Variants in SOCS7 observed in about 807,000 individuals in gnomAD.
SOCS7 encodes the protein NAP-4.
Under a neutral mutation model 58.9 loss-of-function variants are expected in SOCS7, and 18 were observed. The observed-to-expected ratio is 0.31, with a 90% CI of 0.21 to 0.45. SOCS7 has a LOEUF of 0.45. Among genes scored for constraint, SOCS7 ranks in the 20% least tolerant of loss-of-function variants. The pLI is 1.00. For synonymous variants in SOCS7, 388 were observed against 364.3 expected (o/e 1.06, Z -0.74); for missense variants, 667 against 837.3 (o/e 0.80, Z 2.51).
rs755279853 is a variant in SOCS7, at chr17:38,395,407, G to A, written c.1780G>A (p.Val594Ile). 77 of 1,614,062 alleles carry A rather than the reference G, an allele frequency of 4.8e-5. No homozygotes were observed. The highest frequency in any genetic ancestry group is 6.3e-5 in the Non-Finnish European group (74 of 1,180,038). Residue 594 changes from valine to isoleucine, a missense_variant, in exon 8 of 10, where the codon GTC becomes ATC. Val to Ile is a conservative substitution (Grantham distance 29). Around this residue, in one of 9 missense-constraint regions of SOCS7, gnomAD observed 76 missense variants for 194.5 expected, o/e 0.39. Transcript: ENST00000612932. The stretch of plus-strand genomic sequence containing the variant: ...TTGCAGATTCCGGATACGACAGCTC[G>A]TCAGGATAGATCACATCCCAGATCT... ...HLCRFRIRQL[V>I]RIDHIPDLPL...
In SOCS7 at chr17:38,361,694, G is replaced by C; in HGVS notation, c.981-17G>C. On this transcript the variant is annotated splice_polypyrimidine_tract_variant and intron_variant, in intron 1 of 9. Transcript: ENST00000612932. ...CATTTCTCCCCTCTATTCTCTCTCT[G>C]CTTTCTCACTCCCTAGGAAACCCAA... 6.2e-7 allele frequency: 1 copy of C among 1,605,480 alleles called. No homozygotes were observed. The highest frequency in any genetic ancestry group is 8.5e-7 in the Non-Finnish European group (1 of 1,172,520).
In SOCS7 at chr17:38,361,161, T is replaced by G. The variant is rs2037714387; in HGVS notation, c.981-550T>G. Among the ~76,000 whole-genome samples the G allele has an allele frequency of 2.0e-5, 3 of 152,266 alleles. No homozygotes were observed. In the South Asian group the frequency reaches 6.2e-4, roughly 31 times the overall value. On this transcript the variant is annotated intron_variant, in intron 1 of 9. Coordinates refer to ENST00000612932, the MANE Select transcript of SOCS7 (RefSeq NM_014598.4). ...AATCTGAGGAGGCCCACTTAGTAGC[T>G]GATGGCTTTGACCCATGCCTTGGGG... is the stretch of plus-strand genomic sequence containing the variant.
chr17:38,387,131 A>ATATG (rs1163854242), intron 7 of SOCS7, among the ~76,000 whole-genome samples: 6 of 87,904 alleles, frequency 6.8e-5, no homozygotes, highest in African/African-American at 3.2e-4. Context: ...ATATATATGT[A>ATATG]TGTATATATA....
chr17:38,391,136 G>A (rs1337577873), intron 7 of SOCS7, among the ~76,000 whole-genome samples: 1 of 151,938 alleles, frequency 6.6e-6, no homozygotes, highest in South Asian at 2.1e-4. Flanking sequence ...AAATTTAATT[G>A]CTTTTTGCAC....
chr17:38,352,339 G>T lies in SOCS7; in HGVS notation c.287G>T (p.Arg96Leu). The part of the protein sequence containing the change: ...GPSELLCPRH[R>L]CALDPKALPP... Reference sequence around the variant, plus strand: ...TCGGAACTGCTGTGTCCCCGGCACCGCTGTGCCCTGGACCCCAAGGCCCTG... The same window carrying T: ...TCGGAACTGCTGTGTCCCCGGCACCTCTGTGCCCTGGACCCCAAGGCCCTG... The change falls in exon 1 of 10, where the codon CGC (arginine) becomes CTC (leucine). Residue 96 changes from arginine (R) to leucine (L), a missense_variant. Arg to Leu is a moderately radical substitution (Grantham distance 102). Around this residue, in one of 9 missense-constraint regions of SOCS7, gnomAD observed 154 missense variants for 156.3 expected, o/e 0.98. Transcript: ENST00000612932. The surrounding 1 kb of genome is among the most constrained non-coding windows in gnomAD (Gnocchi z 5.5). 3 of 1,480,998 alleles carry T rather than the reference G, an allele frequency of 2.0e-6. No homozygotes were observed. The highest frequency in any genetic ancestry group is 2.7e-6 in the Non-Finnish European group (3 of 1,126,972). The allele number at this position is 1,480,998 out of a possible 1,614,324, so 91.7% of individuals were successfully genotyped here.
intron 7 of SOCS7, among the ~76,000 whole-genome samples, chr17:38,389,133 T>G (rs903812731): frequency 1.3e-5 from 2 of 152,240 alleles, no homozygotes. Context: ...AAGTGGTAGC[T>G]CATTGTGGTT....
rs1213040557 is a variant in SOCS7 at position 38,401,230 on chromosome 17, A to T, written c.*1748A>T. On this transcript the variant is annotated 3_prime_UTR_variant, in exon 10 of 10. Coordinates refer to ENST00000612932, the MANE Select transcript of SOCS7 (RefSeq NM_014598.4). ...GAGCTGTGCACCATAAACACAGCCC[A>T]CCTCTGATTTGTCATGTGGTACCTC... 1 of 152,152 alleles carries T rather than the reference A, an allele frequency of 6.6e-6. No homozygotes were observed. The highest frequency in any genetic ancestry group is 1.9e-4 in the East Asian group (1 of 5,178). The allele number at this position is 152,152 out of a possible 1,614,324, so 9.4% of individuals were successfully genotyped here.
At chr17:38,376,810 T>C (rs895785278) in intron 6 of SOCS7, among the ~76,000 whole-genome samples, 9 of 152,172 alleles carry the variant, frequency 5.9e-5, no homozygotes, top group Non-Finnish European at 1.2e-4. Context: ...TACACAGTCA[T>C]ACACTGTTTA....
chr17:38,362,385 G>C (rs996388292), intron 2 of SOCS7, among the ~76,000 whole-genome samples: 1 of 152,180 alleles, frequency 6.6e-6, no homozygotes, highest in Admixed American at 6.5e-5. Context: ...TTCTCGTTTC[G>C]TAGGGAGCTT....
intron 6 of SOCS7, among the ~76,000 whole-genome samples, chr17:38,377,020 T>A (rs1302616821): frequency 6.6e-6 from 1 of 152,194 alleles, no homozygotes; most frequent in Non-Finnish European, 1.5e-5. Flanking sequence ...CTGTACCACA[T>A]AGCCTAGGTA....
Position 38,364,936 on chromosome 17 carries a change from C to T in SOCS7, c.1150+80C>T. 4.6e-6 allele frequency: 5 copies of T among 1,078,836 alleles called. No homozygotes were observed. In the South Asian group the frequency reaches 5.4e-5, roughly 12 times the overall value. The allele number at this position is 1,078,836 out of a possible 1,614,324, so 66.8% of individuals were successfully genotyped here. On this transcript the variant is annotated intron_variant, in intron 3 of 9. Transcript: ENST00000612932. Reference sequence around the variant, plus strand: ...GACTTGTTCTTTGCTGGGGGCCGACCACGCTTCTGGGTTTCCGATGATGAC... The same window carrying T: ...GACTTGTTCTTTGCTGGGGGCCGACTACGCTTCTGGGTTTCCGATGATGAC...
chr17:38,367,092 T>C (rs1555568482), intron 5 of SOCS7, among the ~76,000 whole-genome samples: 1 of 152,144 alleles, frequency 6.6e-6, no homozygotes, highest in Non-Finnish European at 1.5e-5. Flanking sequence ...GAGACTGAGT[T>C]TCGCTCTTGT....
intron 1 of SOCS7, among the ~76,000 whole-genome samples, chr17:38,356,235 A>G (rs1040019820): frequency 1.3e-5 from 2 of 149,384 alleles, no homozygotes; most frequent in Non-Finnish European, 3.0e-5. Flanking sequence ...TGGGCCCACC[A>G]GTTGGGTGTG....
At chr17:38,381,139 C>A (rs1221043579) in intron 7 of SOCS7, among the ~76,000 whole-genome samples, 2 of 152,050 alleles carry the variant, frequency 1.3e-5, no homozygotes, top group African/African-American at 4.8e-5. Flanking sequence ...TTACTGGGGG[C>A]AGGAGGGTGC....
chr17:38,365,311 A>G lies in SOCS7; in HGVS notation c.1154A>G (p.Asp385Gly). Residue 385 changes from aspartate to glycine, a missense_variant, in exon 4 of 10, where the codon GAT becomes GGT. This residue lies in a region of SOCS7 where 99 missense variants were observed against 122.9 expected (regional missense o/e 0.81). Coordinates refer to ENST00000612932, the MANE Select transcript of SOCS7 (RefSeq NM_014598.4). ...TTGCTTTTGTTCTCTCTTCTAGATGATATCAGTGGGACGCTGCCTACATCT... is the reference window on the plus strand; with the variant it reads ...TTGCTTTTGTTCTCTCTTCTAGATGGTATCAGTGGGACGCTGCCTACATCT... ...PPRRSLSLLD[D>G]ISGTLPTSVL... 2 of 1,609,228 alleles carry G rather than the reference A, an allele frequency of 1.2e-6. No homozygotes were observed. Among genetic ancestry groups the G allele is most frequent in the Non-Finnish European group, 1.7e-6 (2 of 1,177,170 alleles).
At position 38,364,738 on chromosome 17, in the gene SOCS7, C is replaced by T. The variant is rs2037765405; in HGVS notation, c.1046-14C>T. The T allele has an allele frequency of 6.2e-7, 1 of 1,611,178 alleles. No individual in the cohort carries two copies. The highest frequency in any genetic ancestry group is 1.3e-5 in the African/African-American group (1 of 74,822). On this transcript the variant is annotated splice_polypyrimidine_tract_variant and intron_variant, in intron 2 of 9. Transcript: ENST00000612932. ...AGGCGCTTCTGTAACTTGCTTGCTCCATGAATCCCTCAGGTGAAACTGTGT... is the reference window on the plus strand; with the variant it reads ...AGGCGCTTCTGTAACTTGCTTGCTCTATGAATCCCTCAGGTGAAACTGTGT...
At chr17:38,399,256 T>C (rs1204125128) in intron 9 of SOCS7, among the ~76,000 whole-genome samples, 1 of 152,120 alleles carries the variant, frequency 6.6e-6, no homozygotes, top group African/African-American at 2.4e-5. Flanking sequence ...AGAGAATTTA[T>C]GCAATGTGGT....
rs532151021 is a variant in SOCS7, at chr17:38,369,979, C to T, written c.1552+1929C>T. Among the ~76,000 whole-genome samples, 6 of 151,930 alleles carry T rather than the reference C, an allele frequency of 3.9e-5. No homozygotes were observed. The South Asian group carries it at 1.0e-3, about 26-fold the overall frequency. On this transcript the variant is annotated intron_variant, in intron 6 of 9. Coordinates refer to ENST00000612932, the MANE Select transcript of SOCS7 (RefSeq NM_014598.4). ...TAATTTTTTTTGTATTTTTAGTAGA[C>T]ACAGGGTTTCACCATGTTGGTGAGG...
At chr17:38,359,753 A>G (rs1328638697) in intron 1 of SOCS7, among the ~76,000 whole-genome samples, 1 of 149,836 alleles carries the variant, frequency 6.7e-6, no homozygotes, top group Non-Finnish European at 1.5e-5. Context: ...ATATATATAT[A>G]TATTATTTTT....
Sources: allele counts gnomAD v4.1 joint callset (sites outside exome capture counted in the v4.1 genomes callset), GRCh38; gene constraint gnomAD v4.1.1; regional missense constraint gnomAD v4.1.1; non-coding constraint Gnocchi (gnomAD v3.1); transcripts MANE v1.5; gene names NCBI Gene and HGNC (gene_info 2026-07-23, HGNC 2026-07-21).